KIZ: variants seen among roughly 807,000 people sequenced by gnomAD.
The protein encoded by KIZ is centrosomal protein kizuna.
In KIZ, 68 loss-of-function variants were observed where a neutral mutation model predicts 79.6. That is an observed-to-expected ratio of 0.85 (90% CI 0.70 to 1.05). The LOEUF (loss-of-function observed/expected upper bound fraction) is 1.05. Ranked by LOEUF, KIZ falls within the 50% of genes least tolerant of loss-of-function variation. KIZ has a pLI of 0.00. For missense variants in KIZ, 797 were observed against 800.4 expected (o/e 1.00, Z 0.05); for synonymous variants, 280 against 281.8 (o/e 0.99, Z 0.06).
chr20:21,228,970 G>A (rs2036741380), intron 9 of KIZ, 41 bp from the exon 10 acceptor site: 1 of 1,136,246 alleles, frequency 8.8e-7, no homozygotes, highest in East Asian at 2.4e-5. Context: ...TTTCTGGCCA[G>A]TAAAAAATGT....
At chr20:21,166,285 G>C (rs1159409262) in intron 6 of KIZ, 6 of 1,601,068 alleles carry the variant, frequency 3.7e-6, no homozygotes, top group Non-Finnish European at 5.1e-6. Context: ...AGCTGAGGTT[G>C]TCAGTACAAT....
intron 1 of KIZ, among the ~76,000 whole-genome samples, chr20:21,130,161 C>T (rs2031749982): frequency 6.6e-6 from 1 of 152,134 alleles, no homozygotes; most frequent in Non-Finnish European, 1.5e-5. Context: ...ATTTGGCTGG[C>T]ATGTCTCTTC....
chr20:21,165,019 ATTGT>A (rs2122724769), intron 6 of KIZ, among the ~76,000 whole-genome samples: 2 of 152,208 alleles, frequency 1.3e-5, no homozygotes, highest in East Asian at 3.9e-4. Context: ...TTCTTAATTT[ATTGT>A]TTAACTGGCG....
intron 3 of KIZ, among the ~76,000 whole-genome samples, chr20:21,140,316 C>A (rs62218947): frequency 0.023 from 3,511 of 152,284 alleles, 71 homozygotes; most frequent in Middle Eastern, 0.037. Context: ...ACAGGTATTG[C>A]ACCTTGAACA....
At chr20:21,242,919 T>G (rs902316729) in intron 11 of KIZ, among the ~76,000 whole-genome samples, 3 of 152,180 alleles carry the variant, frequency 2.0e-5, no homozygotes, top group Admixed American at 6.5e-5. Context: ...GGACCGCGGC[T>G]GGCAAATTAG....
intron 6 of KIZ, among the ~76,000 whole-genome samples, chr20:21,165,944 C>T (rs558326787): frequency 2.6e-5 from 4 of 152,084 alleles, no homozygotes; most frequent in Non-Finnish European, 4.4e-5. Flanking sequence ...TACAGGTGCC[C>T]GCCATCAGGC....
intron 4 of KIZ, among the ~76,000 whole-genome samples, chr20:21,157,259 C>T (rs1229206757): frequency 2.0e-5 from 3 of 152,080 alleles, no homozygotes; most frequent in Admixed American, 2.0e-4. Flanking sequence ...AATGATGCAT[C>T]GTCCACAGAC....
intron 3 of KIZ, among the ~76,000 whole-genome samples, chr20:21,137,838 G>A (rs955705747): frequency 3.9e-5 from 6 of 152,130 alleles, no homozygotes; most frequent in Admixed American, 1.3e-4. Context: ...GTGCAATGGC[G>A]TGATCATGGC....
intron 9 of KIZ, among the ~76,000 whole-genome samples, chr20:21,227,857 T>C (rs1029750127): frequency 7.9e-5 from 12 of 152,214 alleles, no homozygotes; most frequent in Admixed American, 7.9e-4. Flanking sequence ...AAATACTAGT[T>C]TCAGCGACCT....
At chr20:21,138,231 A>T (rs1053662027) in intron 3 of KIZ, among the ~76,000 whole-genome samples, 1 of 152,184 alleles carries the variant, frequency 6.6e-6, no homozygotes, top group African/African-American at 2.4e-5. Flanking sequence ...GTCTCCTACC[A>T]TTCCTCCTTT....
intron 6 of KIZ, among the ~76,000 whole-genome samples, chr20:21,189,503 A>G (rs563954683): frequency 7.9e-5 from 12 of 152,186 alleles, no homozygotes; most frequent in Non-Finnish European, 1.8e-4. Flanking sequence ...TACCTATTAA[A>G]AATTCTCCCA....
chr20:21,239,637 G>A (rs2037149406), intron 11 of KIZ, among the ~76,000 whole-genome samples: 1 of 152,158 alleles, frequency 6.6e-6, no homozygotes, highest in Non-Finnish European at 1.5e-5. Context: ...TTATATTGAT[G>A]TTGACTGTGT....
At chr20:21,137,199 T>C (rs6035787) in intron 3 of KIZ, among the ~76,000 whole-genome samples, 87,846 of 152,104 alleles carry the variant, frequency 0.58, 26,900 homozygotes, top group South Asian at 0.77. Flanking sequence ...TTTGCCTTTA[T>C]GCTCCTGGTC....
At chr20:21,189,318 G>A (rs967090521) in intron 6 of KIZ, among the ~76,000 whole-genome samples, 2 of 152,098 alleles carry the variant, frequency 1.3e-5, no homozygotes, top group African/African-American at 2.4e-5. Flanking sequence ...TCGGTTAAAG[G>A]GGTTAAGTTT....
intron 10 of KIZ, among the ~76,000 whole-genome samples, chr20:21,230,364 A>G (rs6035814): frequency 0.6 from 90,911 of 152,082 alleles, 28,353 homozygotes; most frequent in South Asian, 0.78. Context: ...ACTACCAGCT[A>G]TTTAAGAGGC....
At chr20:21,188,930 G>A (rs572150006) in intron 6 of KIZ, among the ~76,000 whole-genome samples, 2 of 151,808 alleles carry the variant, frequency 1.3e-5, no homozygotes, top group Non-Finnish European at 1.5e-5. Context: ...GGATGGTCTC[G>A]ATCTCCTGAC....
At chr20:21,240,721 C>A (rs907988169) in intron 11 of KIZ, among the ~76,000 whole-genome samples, 43 of 152,116 alleles carry the variant, frequency 2.8e-4, no homozygotes, top group Middle Eastern at 3.4e-3. Context: ...GGCCCGCAAG[C>A]TAAGAGTGGT....
chr20:21,218,743 G>A (rs1435782697), intron 9 of KIZ, among the ~76,000 whole-genome samples: 1 of 152,188 alleles, frequency 6.6e-6, no homozygotes, highest in Non-Finnish European at 1.5e-5. Context: ...TCCAATGTGG[G>A]CACCAGTTTC....
intron 7 of KIZ, among the ~76,000 whole-genome samples, chr20:21,206,676 A>AG (rs2035839910): frequency 6.6e-6 from 1 of 152,146 alleles, no homozygotes; most frequent in African/African-American, 2.4e-5. Context: ...TTAGTTTTGT[A>AG]CCTTTTGAAA....
Sources: allele counts gnomAD v4.1 joint callset (sites outside exome capture counted in the v4.1 genomes callset), GRCh38; gene constraint gnomAD v4.1.1; transcripts MANE v1.5; gene names NCBI Gene and HGNC (gene_info 2026-07-23, HGNC 2026-07-21).